FUS: variants seen among roughly 807,000 people sequenced by gnomAD.
FUS encodes FUS RNA binding protein.
A neutral mutation model predicts 82.7 loss-of-function variants in FUS; 5 were observed. The observed-to-expected ratio is 0.06, with a 90% CI of 0.03 to 0.13. FUS has a LOEUF of 0.13. Ranked by LOEUF, FUS falls within the 10% of genes least tolerant of loss-of-function variation. FUS has a pLI of 1.00. For synonymous variants in FUS, 281 were observed against 247.4 expected (o/e 1.14, Z -1.27); for missense variants, 512 against 707.8 (o/e 0.72, Z 3.14).
intron 7 of FUS, 128 bp downstream of exon 7, chr16:31,186,964 A>AG: frequency 1.1e-6 from 1 of 907,266 alleles, no homozygotes; most frequent in South Asian, 1.3e-5. Flanking sequence ...ACCTCCAGAA[A>AG]GGGGTAGGGT....
Position 31,186,828 on chromosome 16 carries a change from A to C in FUS, c.791A>C (p.Lys264Thr), listed in dbSNP as rs757510138. The change falls in exon 7 of 15, where the codon AAA becomes ACA. Residue 264 changes from lysine (K) to threonine (T), a missense_variant. Transcript: ENST00000254108. The part of the protein sequence containing the change: ...MGGSDRGGFN[K>T]FGGPRDQGSR... ...GGAAGTGACCGTGGTGGCTTCAATA[A>C]ATTTGGTGGTAAGTGAACAGAGTTT... 1.9e-6 allele frequency: 3 copies of C among 1,614,000 alleles called. No individual in the cohort carries two copies. The African/African-American group carries it at 4.0e-5, about 22-fold the overall frequency.
At chr16:31,182,264 T>C (rs2079190359) in intron 1 of FUS, 134 bp from the exon 2 acceptor site, 1 of 1,058,670 alleles carries the variant, frequency 9.4e-7, no homozygotes. Context: ...CTGCTGGGAT[T>C]ACAGGCATGA....
chr16:31,191,513 C>T lies in FUS; in HGVS notation c.*75C>T. The T allele has an allele frequency of 6.7e-7, 1 of 1,502,670 alleles. No homozygotes were observed. Among genetic ancestry groups the T allele is most frequent in the Non-Finnish European group, 9.3e-7 (1 of 1,080,140 alleles). The allele number at this position is 1,502,670 out of a possible 1,614,324, so 93.1% of individuals were successfully genotyped here. On this transcript the variant is annotated 3_prime_UTR_variant, in exon 15 of 15. Coordinates refer to ENST00000254108, the MANE Select transcript of FUS (RefSeq NM_004960.4). ...GTTACCCTCGTTATTTTGTAACCTT[C>T]CAATTCCTGATCACCCAAGGGTTTT...
At chr16:31,188,767 G>C in intron 8 of FUS, 1 of 469,072 alleles carries the variant, frequency 2.1e-6, no homozygotes, top group Non-Finnish European at 3.8e-6. Context: ...TGATGTTTGT[G>C]TACTAGATTT....
chr16:31,186,541 TA>T, intron 6 of FUS: 1 of 555,534 alleles, frequency 1.8e-6, no homozygotes, highest in Non-Finnish European at 3.2e-6. Context: ...GAAAATGGGT[TA>T]TTTTTTTTCC....
chr16:31,189,931 C>T (rs2079327889), intron 10 of FUS, 109 bp from the exon 11 acceptor site: 3 of 1,568,002 alleles, frequency 1.9e-6, no homozygotes, highest in African/African-American at 1.4e-5. Context: ...CTCATTTTTG[C>T]TTATGTGTCA....
downstream of FUS, chr16:31,193,417 T>G (rs1436997019): frequency 5.7e-6 from 3 of 527,430 alleles, no homozygotes; most frequent in South Asian, 3.1e-5. Context: ...AAATGTTTAG[T>G]TGAAATGGCC....
At position 31,182,538 on chromosome 16, in the gene FUS, G is replaced by C. The variant is rs1260673954; in HGVS notation, c.64G>C (p.Gly22Arg). 1 of 1,614,084 alleles carries C rather than the reference G, an allele frequency of 6.2e-7. No homozygotes were observed. The highest frequency in any genetic ancestry group is 8.5e-7 in the Non-Finnish European group (1 of 1,180,010). ...QSYGAYPTQPGQGYSQQSSQP... is the reference protein window; with the variant it reads ...QSYGAYPTQPRQGYSQQSSQP... ...CTATGGGGCCTACCCCACCCAGCCC[G>C]GGCAGGGCTATTCCCAGCAGAGCAG... is the stretch of plus-strand genomic sequence containing the variant. The change falls in exon 3 of 15, where the codon GGG becomes CGG. Residue 22 changes from glycine to arginine, a missense_variant. By Grantham distance (125) the Gly-to-Arg change is moderately radical. This residue lies in a region of FUS where 276 missense variants were observed against 303.3 expected (regional missense o/e 0.91). Transcript: ENST00000254108.
rs138746304 is a variant in FUS, at chr16:31,188,356, C to G, written c.831C>G (p.Ser277=). Residue 277 remains serine, a splice_region_variant and synonymous_variant, in exon 8 of 15, where the codon TCC becomes TCG. Transcript: ENST00000254108. Reference sequence around the variant, plus strand: ...GGGACCAAGGATCACGTCATGACTCCGGTGAGTTCACACGTGGTGGCATGA... The same window carrying G: ...GGGACCAAGGATCACGTCATGACTCGGGTGAGTTCACACGTGGTGGCATGA... ...GPRDQGSRHD[S]EQDNSDNNTI... The G allele has an allele frequency of 2.5e-6, 4 of 1,613,442 alleles. No homozygotes were observed. Among genetic ancestry groups the G allele is most frequent in the South Asian group, 2.2e-5 (2 of 91,070 alleles).
upstream of FUS, chr16:31,180,137 C>T (rs1028316989): frequency 1.4e-5 from 22 of 1,569,484 alleles, no homozygotes; most frequent in African/African-American, 1.2e-4. Flanking sequence ...GGAGGCGGGG[C>T]TGCTCAGTCC....
chr16:31,184,437 T>TA, intron 5 of FUS, 41 bp downstream of exon 5: 24 of 1,511,422 alleles, frequency 1.6e-5, no homozygotes, highest in Non-Finnish European at 2.1e-5. Flanking sequence ...ATTTTCTTTT[T>TA]CTTTTTTTTT....
At chr16:31,193,214 CTT>C (rs2079383719), downstream of FUS, 2 of 495,190 alleles carry the variant, frequency 4.0e-6, no homozygotes, top group South Asian at 3.1e-5. Flanking sequence ...TAAACCATGA[CTT>C]TTAAGAGGAA....
At position 31,183,931 on chromosome 16, in the gene FUS, A is replaced by G. The variant is rs765871198; in HGVS notation, c.264A>G (p.Gln88=). 19 of 1,613,772 alleles carry G rather than the reference A, an allele frequency of 1.2e-5. No individual in the cohort carries two copies. The highest frequency in any genetic ancestry group is 2.2e-5 in the East Asian group (1 of 44,890). ...GCTATGGCAGTAGCCAGAGCTCCCAATCGTCTTACGGGCAGCAGTCCTCCT... is the reference window on the plus strand; with the variant it reads ...GCTATGGCAGTAGCCAGAGCTCCCAGTCGTCTTACGGGCAGCAGTCCTCCT... ...TGGYGSSQSS[Q]SSYGQQSSYP... is the part of the protein sequence containing the mutation. Residue 88 remains glutamine (Q), a synonymous_variant, in exon 4 of 15, where the codon CAA becomes CAG. Transcript: ENST00000254108.
chr16:31,184,452 T>TTTG, intron 5 of FUS, 56 bp downstream of exon 5: 1 of 1,473,132 alleles, frequency 6.8e-7, no homozygotes, highest in African/African-American at 1.4e-5. Context: ...TTTTTTTTTT[T>TTTG]TTTGAGACGG....
chr16:31,185,200 G>T, intron 6 of FUS, 21 bp downstream of exon 6: 1 of 1,596,438 alleles, frequency 6.3e-7, no homozygotes. Flanking sequence ...CATGAGCCAG[G>T]GAGTATCTTT....
intron 7 of FUS, 130 bp from the exon 8 acceptor site, chr16:31,188,195 C>G (rs1054746894): frequency 3.0e-6 from 3 of 983,872 alleles, no homozygotes; most frequent in Non-Finnish European, 4.6e-6. Flanking sequence ...GCTGTGAGCA[C>G]TTACTTGATA....
chr16:31,184,594 C>T (rs2079234187), intron 5 of FUS, among the ~76,000 whole-genome samples, 198 bp downstream of exon 5: 1 of 152,128 alleles, frequency 6.6e-6, no homozygotes, highest in Non-Finnish European at 1.5e-5. Context: ...CAGGCATCCG[C>T]CACCACGCCC....
chr16:31,190,677 C>A (rs1596911562), intron 12 of FUS, 65 bp from the exon 13 acceptor site: 1 of 1,448,050 alleles, frequency 6.9e-7, no homozygotes, highest in Non-Finnish European at 9.7e-7. Context: ...ACCGTAGTTT[C>A]TTCCTAGTTC....
chr16:31,185,360 G>C lies in FUS; in HGVS notation c.764+181G>C, dbSNP rs2079252489. 3 of 730,816 alleles carry C rather than the reference G, an allele frequency of 4.1e-6. No individual in the cohort carries two copies. The South Asian group carries it at 5.7e-5, about 14-fold the overall frequency. The allele number at this position is 730,816 out of a possible 1,614,324, so 45.3% of individuals were successfully genotyped here. A position where few individuals can be genotyped will look rare whatever the true frequency, so the allele number is the denominator to read the frequency against. ...CCCCATTTTATTTTTGTGAGAACTTGGGAGCCTGAACTCCCATCCATACCA... is the reference window on the plus strand; with the variant it reads ...CCCCATTTTATTTTTGTGAGAACTTCGGAGCCTGAACTCCCATCCATACCA... On this transcript the variant is annotated intron_variant, in intron 6 of 14. Transcript: ENST00000254108.
Sources: allele counts gnomAD v4.1 joint callset (sites outside exome capture counted in the v4.1 genomes callset), GRCh38; gene constraint gnomAD v4.1.1; regional missense constraint gnomAD v4.1.1; transcripts MANE v1.5; gene names NCBI Gene and HGNC (gene_info 2026-07-23, HGNC 2026-07-21).